Variants in TPMT observed in about 807,000 individuals in gnomAD.
The protein encoded by TPMT is thiopurine S-methyltransferase.
Under a neutral mutation model 34.2 loss-of-function variants are expected in TPMT, and 18 were observed. The ratio of observed to expected loss-of-function variants is 0.53; its 90% CI spans 0.36 to 0.78. The LOEUF (loss-of-function observed/expected upper bound fraction) is 0.78. TPMT is among the 30% of genes least tolerant of loss of function. TPMT has a pLI of 0.00. For synonymous variants in TPMT, 69 were observed against 92.4 expected (o/e 0.75, Z 1.45); for missense variants, 265 against 288.1 (o/e 0.92, Z 0.58).
chr6:18,148,262 T>C lies in TPMT; in HGVS notation c.141-347A>G, dbSNP rs1043574380. Among the ~76,000 whole-genome samples, 3 of 152,218 alleles carry C rather than the reference T, an allele frequency of 2.0e-5. No homozygotes were observed. Among genetic ancestry groups the C allele is most frequent in the Admixed American group, 6.5e-5 (1 of 15,278 alleles). ...AACATTAATTTCATGGTACGTTCTC[T>C]AAACGTGTACTCAAGCCTCGGAAGT... On this transcript the variant is annotated intron_variant, in intron 2 of 8. Coordinates refer to ENST00000309983, the MANE Select transcript of TPMT (RefSeq NM_000367.5). This position sits in a 1 kb window ranked among gnomAD's most constrained non-coding sequence, Gnocchi z 4.1.
intron 7 of TPMT, 163 bp downstream of exon 7, chr6:18,133,641 C>A: frequency 1.6e-6 from 1 of 622,508 alleles, no homozygotes. Context: ...GAAAAACATG[C>A]TTATAGTTCC....
Position 18,153,930 on chromosome 6 carries a change from T to A in TPMT, c.-45+1103A>T, listed in dbSNP as rs938385064. On this transcript the variant is annotated intron_variant, in intron 1 of 8. Transcript: ENST00000309983. This position sits in a 1 kb window ranked among gnomAD's most constrained non-coding sequence, Gnocchi z 4.2. ...GCACATAACTTAATCATGTCTTAGT[T>A]GTTTGTTTTTGAGACAGGGTCTCTC... is the stretch of plus-strand genomic sequence containing the variant. Among the ~76,000 whole-genome samples the A allele has an allele frequency of 2.0e-5, 3 of 152,216 alleles. No homozygotes were observed. Among genetic ancestry groups the A allele is most frequent in the Admixed American group, 6.5e-5 (1 of 15,278 alleles).
Position 18,139,222 on chromosome 6 carries a change from T to C in TPMT, c.420-185A>G, listed in dbSNP as rs1784096344. 6.6e-6 allele frequency among the ~76,000 whole-genome samples: 1 copy of C among 152,164 alleles called. No individual in the cohort carries two copies. Among genetic ancestry groups the C allele is most frequent in the Non-Finnish European group, 1.5e-5 (1 of 68,028 alleles). ...AGAGCTGTCCATCCCCTCATGGTTT[T>C]AGGAGCCTGTGGCAGCAGCCTCCCC... On this transcript the variant is annotated intron_variant, in intron 5 of 8. Coordinates refer to ENST00000309983, the MANE Select transcript of TPMT (RefSeq NM_000367.5). The surrounding 1 kb of genome is among the most constrained non-coding windows in gnomAD (Gnocchi z 4.2).
chr6:18,136,812 A>T lies in TPMT; in HGVS notation c.494+2151T>A, dbSNP rs895836402. Among the ~76,000 whole-genome samples, 16 of 152,078 alleles carry T rather than the reference A, an allele frequency of 1.1e-4. No individual in the cohort carries two copies. The highest frequency in any genetic ancestry group is 3.4e-4 in the African/African-American group (14 of 41,418). On this transcript the variant is annotated intron_variant, in intron 6 of 8. Coordinates refer to ENST00000309983, the MANE Select transcript of TPMT (RefSeq NM_000367.5). The surrounding 1 kb of genome is among the most constrained non-coding windows in gnomAD (Gnocchi z 4.7). Reference sequence around the variant, plus strand: ...GCAACAAGAGCGAAACTCTGTCTCGAAAAAAAAGATTTGATTTTTCTCTCA... The same window carrying T: ...GCAACAAGAGCGAAACTCTGTCTCGTAAAAAAAGATTTGATTTTTCTCTCA...
rs373867364 is a variant in TPMT, at chr6:18,141,550, T to G, written c.367-1833A>C. On this transcript the variant is annotated intron_variant, in intron 4 of 8. Coordinates refer to ENST00000309983, the MANE Select transcript of TPMT (RefSeq NM_000367.5). ...AGATGGGGTTTCGCCATGTTGGCCA[T>G]GCTGGTCCTGAACTCCTGACCTCAA... is the stretch of plus-strand genomic sequence containing the variant. Among the ~76,000 whole-genome samples, 3 of 152,196 alleles carry G rather than the reference T, an allele frequency of 2.0e-5. 1 individual carries two copies. The highest frequency in any genetic ancestry group is 4.1e-4 in the South Asian group (2 of 4,826).
At position 18,154,353 on chromosome 6, in the gene TPMT, C is replaced by CTATA. The variant is rs1213115038; in HGVS notation, c.-45+676_-45+679dup. 2.6e-5 allele frequency among the ~76,000 whole-genome samples: 4 copies of CTATA among 152,152 alleles called. No individual in the cohort carries two copies. The highest frequency in any genetic ancestry group is 9.7e-5 in the African/African-American group (4 of 41,440). On this transcript the variant is annotated intron_variant, in intron 1 of 8. Coordinates refer to ENST00000309983, the MANE Select transcript of TPMT (RefSeq NM_000367.5). The surrounding 1 kb of genome is among the most constrained non-coding windows in gnomAD (Gnocchi z 4.2). ...ATTCTCACCTTTTCAAAAGCTTCTG[C>CTATA]TATAGTTTTGTTTTTAAATTTCATA...
rs1784414530 is a variant in TPMT, at chr6:18,153,990, AC to A, written c.-45+1042del. Among the ~76,000 whole-genome samples the A allele has an allele frequency of 6.6e-6, 1 of 152,088 alleles. No homozygotes were observed. The highest frequency in any genetic ancestry group is 2.1e-4 in the South Asian group (1 of 4,830). On this transcript the variant is annotated intron_variant, in intron 1 of 8. Coordinates refer to ENST00000309983, the MANE Select transcript of TPMT (RefSeq NM_000367.5). This position sits in a 1 kb window ranked among gnomAD's most constrained non-coding sequence, Gnocchi z 4.2. ...CAGGCTGGAGTGCAGTGGTGTAATG[AC>A]ACTTCCGTCTCCAACACTGGGGCTC...
At chr6:18,144,099 G>A (rs934950364) in intron 3 of TPMT, among the ~76,000 whole-genome samples, 16 of 152,224 alleles carry the variant, frequency 1.1e-4, no homozygotes, top group African/African-American at 3.4e-4. Flanking sequence ...AAAATTTTCT[G>A]CATTGATGAA....
At position 18,131,590 on chromosome 6, in the gene TPMT, CAAAT is replaced by C. The variant is rs1783942866; in HGVS notation, c.625+539_625+542del. Reference sequence around the variant, plus strand: ...ATCAAGATCCTATCTCAAAAATAAACAAATAAAAAAAAATATACCATCTCTCTAG... The same window carrying C: ...ATCAAGATCCTATCTCAAAAATAAACAAAAAAAAATATACCATCTCTCTAG... On this transcript the variant is annotated intron_variant, in intron 8 of 8. Coordinates refer to ENST00000309983, the MANE Select transcript of TPMT (RefSeq NM_000367.5). The surrounding 1 kb of genome is among the most constrained non-coding windows in gnomAD (Gnocchi z 4.3). Among the ~76,000 whole-genome samples the C allele has an allele frequency of 6.6e-6, 1 of 151,516 alleles. No homozygotes were observed. The highest frequency in any genetic ancestry group is 2.4e-5 in the African/African-American group (1 of 41,226).
chr6:18,152,902 A>G (rs372542691), intron 1 of TPMT, among the ~76,000 whole-genome samples: 1 of 152,106 alleles, frequency 6.6e-6, no homozygotes, highest in Non-Finnish European at 1.5e-5. Context: ...AGACCACAGA[A>G]TGGTTCTGGC....
chr6:18,151,552 T>A (rs1429539909), intron 1 of TPMT, among the ~76,000 whole-genome samples: 1 of 151,904 alleles, frequency 6.6e-6, no homozygotes, highest in Non-Finnish European at 1.5e-5. Context: ...GTGATGTGAG[T>A]GGATTTCATT....
In TPMT at chr6:18,149,896, T is replaced by G. The variant is rs921007535; in HGVS notation, c.-44-725A>C. 3.9e-5 allele frequency among the ~76,000 whole-genome samples: 6 copies of G among 152,230 alleles called. No individual in the cohort carries two copies. ...ATTCTATCTTAATATTAGTGTTTCCTCTGCTCTCACACCCCAATCATCAAC... is the reference window on the plus strand; with the variant it reads ...ATTCTATCTTAATATTAGTGTTTCCGCTGCTCTCACACCCCAATCATCAAC... On this transcript the variant is annotated intron_variant, in intron 1 of 8. Transcript: ENST00000309983. The surrounding 1 kb of genome is among the most constrained non-coding windows in gnomAD (Gnocchi z 5.0).
In TPMT at chr6:18,154,576, C is replaced by G. The variant is rs1784439247; in HGVS notation, c.-45+457G>C. Among the ~76,000 whole-genome samples the G allele has an allele frequency of 6.6e-6, 1 of 151,864 alleles. No individual in the cohort carries two copies. The highest frequency in any genetic ancestry group is 1.5e-5 in the Non-Finnish European group (1 of 67,986). ...TCCCAAAAATCACTAATACACCAGG[C>G]TGGGGAAAAAACCGAGAGTCCGTTT... On this transcript the variant is annotated intron_variant, in intron 1 of 8. Transcript: ENST00000309983. The surrounding 1 kb of genome is among the most constrained non-coding windows in gnomAD (Gnocchi z 4.2).
In TPMT at chr6:18,140,261, A is replaced by G. The variant is rs573048541; in HGVS notation, c.367-544T>C. Reference sequence around the variant, plus strand: ...TCTCTGACCACAGTGAGGACAGACTAGAGCAGAGAAGCGTGGGCACAGAGA... The same window carrying G: ...TCTCTGACCACAGTGAGGACAGACTGGAGCAGAGAAGCGTGGGCACAGAGA... On this transcript the variant is annotated intron_variant, in intron 4 of 8. Transcript: ENST00000309983. This position sits in a 1 kb window ranked among gnomAD's most constrained non-coding sequence, Gnocchi z 4.7. Among the ~76,000 whole-genome samples the G allele has an allele frequency of 6.6e-6, 1 of 152,340 alleles. No individual in the cohort carries two copies. Among genetic ancestry groups the G allele is most frequent in the East Asian group, 1.9e-4 (1 of 5,186 alleles).
chr6:18,139,087 G>A lies in TPMT; in HGVS notation c.420-50C>T. ...TATGGGAGAAAAATCAAATCTTTAAGAAGATGAGCAGCGTCCCCCATGGTG... is the reference window on the plus strand; with the variant it reads ...TATGGGAGAAAAATCAAATCTTTAAAAAGATGAGCAGCGTCCCCCATGGTG... On this transcript the variant is annotated intron_variant, in intron 5 of 8. Coordinates refer to ENST00000309983, the MANE Select transcript of TPMT (RefSeq NM_000367.5). This position sits in a 1 kb window ranked among gnomAD's most constrained non-coding sequence, Gnocchi z 4.2. The A allele has an allele frequency of 6.6e-7, 1 of 1,524,794 alleles. No homozygotes were observed. The highest frequency in any genetic ancestry group is 9.1e-7 in the Non-Finnish European group (1 of 1,098,234). The allele number at this position is 1,524,794 out of a possible 1,614,324, so 94.5% of individuals were successfully genotyped here.
At position 18,138,596 on chromosome 6, in the gene TPMT, A is replaced by C. The variant is rs2859778; in HGVS notation, c.494+367T>G. 0.77 allele frequency among the ~76,000 whole-genome samples: 117,816 copies of C among 152,102 alleles called. 45,699 individuals are homozygous for C. The highest frequency in any genetic ancestry group is 0.8 in the East Asian group (4,141 of 5,168). ...ATAAAGTATTTTGAACAATACCTGG[A>C]ATAGGCAAGTGACCAGTAAGTATTA... On this transcript the variant is annotated intron_variant, in intron 6 of 8. Coordinates refer to ENST00000309983, the MANE Select transcript of TPMT (RefSeq NM_000367.5). This position sits in a 1 kb window ranked among gnomAD's most constrained non-coding sequence, Gnocchi z 4.1.
At position 18,138,780 on chromosome 6, in the gene TPMT, G is replaced by A. The variant is rs928946489; in HGVS notation, c.494+183C>T. ...ACAAGCCTTATAGCCTTACACCCAG[G>A]TCTCTGTAGTCAAATCCTATACTTT... is the stretch of plus-strand genomic sequence containing the variant. On this transcript the variant is annotated intron_variant, in intron 6 of 8. Coordinates refer to ENST00000309983, the MANE Select transcript of TPMT (RefSeq NM_000367.5). The surrounding 1 kb of genome is among the most constrained non-coding windows in gnomAD (Gnocchi z 4.1). 3.3e-5 allele frequency among the ~76,000 whole-genome samples: 5 copies of A among 152,106 alleles called. No individual in the cohort carries two copies. The highest frequency in any genetic ancestry group is 5.9e-5 in the Non-Finnish European group (4 of 68,024).
chr6:18,133,469 G>A (rs145959989), intron 7 of TPMT, among the ~76,000 whole-genome samples: 8 of 152,310 alleles, frequency 5.3e-5, no homozygotes, highest in African/African-American at 1.9e-4. Flanking sequence ...GGGTGATACG[G>A]ATATGCAATA....
In TPMT at chr6:18,154,911, C is replaced by G. The variant is rs962945894; in HGVS notation, c.-45+122G>C. ...CGCTTCTGCCCTGAACCCCACTTCA[C>G]AGGGCTGATTGCTAGGCTGTCTACG... is the stretch of plus-strand genomic sequence containing the variant. On this transcript the variant is annotated intron_variant, in intron 1 of 8. Transcript: ENST00000309983. This position sits in a 1 kb window ranked among gnomAD's most constrained non-coding sequence, Gnocchi z 4.2. The G allele has an allele frequency of 6.6e-6, 1 of 152,352 alleles. No homozygotes were observed. The highest frequency in any genetic ancestry group is 1.5e-5 in the Non-Finnish European group (1 of 68,128). The allele number at this position is 152,352 out of a possible 1,614,324, so 9.4% of individuals were successfully genotyped here.
Sources: allele counts gnomAD v4.1 joint callset (sites outside exome capture counted in the v4.1 genomes callset), GRCh38; gene constraint gnomAD v4.1.1; non-coding constraint Gnocchi (gnomAD v3.1); transcripts MANE v1.5; gene names NCBI Gene and HGNC (gene_info 2026-07-23, HGNC 2026-07-21).